Variants in LIMA1 observed in about 807,000 individuals in gnomAD.
LIMA1 encodes LIM domain and actin-binding protein 1.
In LIMA1, 52 loss-of-function variants were observed where a neutral mutation model predicts 62.6. That is an observed-to-expected ratio of 0.83 (90% CI 0.67 to 1.05). The LOEUF (loss-of-function observed/expected upper bound fraction) is 1.05, where lower values mean the gene tolerates loss of function less well. Ranked by LOEUF, LIMA1 falls within the 50% of genes least tolerant of loss-of-function variation. The pLI is 0.00. For synonymous variants in LIMA1, 302 were observed against 317.8 expected (o/e 0.95, Z 0.53); for missense variants, 780 against 902.2 (o/e 0.86, Z 1.74).
At chr12:50,261,998 C>G (rs889908364) in intron 1 of LIMA1, among the ~76,000 whole-genome samples, 3 of 152,058 alleles carry the variant, frequency 2.0e-5, no homozygotes, top group African/African-American at 4.8e-5. Flanking sequence ...GAAAAGAAAT[C>G]AAACAATAGA....
intron 10 of LIMA1, among the ~76,000 whole-genome samples, chr12:50,180,993 TC>T (rs1488615387): frequency 6.6e-6 from 1 of 151,076 alleles, no homozygotes; most frequent in Admixed American, 6.6e-5. Flanking sequence ...GCGCCTGTAG[TC>T]CCAGCTACTT....
At chr12:50,214,632 C>T (rs898847613) in intron 4 of LIMA1, among the ~76,000 whole-genome samples, 1 of 152,214 alleles carries the variant, frequency 6.6e-6, no homozygotes, top group Non-Finnish European at 1.5e-5. Context: ...CACGGTGAAA[C>T]CCAGTCTCTA....
chr12:50,212,565 C>T (rs527984131), intron 4 of LIMA1, among the ~76,000 whole-genome samples: 1 of 151,642 alleles, frequency 6.6e-6, no homozygotes, highest in African/African-American at 2.4e-5. Flanking sequence ...TATTCCCAAG[C>T]ATTCTACAAA....
rs369076429 is a variant in LIMA1 at position 50,205,974 on chromosome 12, C to T, written c.715+10G>A. ...TAAAGGACCTCATACACATGGAACTCTCTGCTTACCTGGGCCTATTTCCAG... is the reference window on the plus strand; with the variant it reads ...TAAAGGACCTCATACACATGGAACTTTCTGCTTACCTGGGCCTATTTCCAG... On this transcript the variant is annotated intron_variant, in intron 5 of 10. Transcript: ENST00000341247. 2.1e-5 allele frequency: 33 copies of T among 1,606,190 alleles called. No homozygotes were observed. In the South Asian group the frequency reaches 2.1e-4, roughly 10 times the overall value.
chr12:50,208,490 A>G (rs1941194450), intron 4 of LIMA1, among the ~76,000 whole-genome samples: 1 of 150,792 alleles, frequency 6.6e-6, no homozygotes, highest in African/African-American at 2.4e-5. Context: ...CGTCTCAAAA[A>G]AAACCAAAAG....
In LIMA1 at chr12:50,200,868, C is replaced by A; in HGVS notation, c.881G>T (p.Ser294Ile). ...TTTATGAATTTTGATTTCGCCACCACTGGCTTTCAGCTCATTCTACAAAAT... is the reference window on the plus strand; with the variant it reads ...TTTATGAATTTTGATTTCGCCACCAATGGCTTTCAGCTCATTCTACAAAAT... ...STNYTNELKA[S>I]GGEIKIHKME... The change falls in exon 7 of 11, where the codon AGT becomes ATT. Residue 294 changes from serine (S) to isoleucine (I), a missense_variant. Physicochemically the swap from Ser to Ile is moderately radical, Grantham distance 142 (BLOSUM62 -2). Transcript: ENST00000341247. 1 of 1,614,042 alleles carries A rather than the reference C, an allele frequency of 6.2e-7. No individual in the cohort carries two copies. Among genetic ancestry groups the A allele is most frequent in the Non-Finnish European group, 8.5e-7 (1 of 1,179,968 alleles).
Position 50,177,529 on chromosome 12 carries a change from T to C in LIMA1, c.1815A>G (p.Pro605=), listed in dbSNP as rs1444684249. ...TCCTGATAGGTGGGGACACAGTTTT[T>C]GGGCTCTTGACAGAGGTGCTTTGAA... ...ASFQSTSVKS[P]KTVSPPIRKG... Residue 605 remains proline (P), a synonymous_variant, in exon 11 of 11, where the codon CCA becomes CCG. Coordinates refer to ENST00000341247, the MANE Select transcript of LIMA1 (RefSeq NM_016357.5). The C allele has an allele frequency of 1.4e-5, 22 of 1,611,394 alleles. No individual in the cohort carries two copies. The highest frequency in any genetic ancestry group is 1.9e-5 in the Non-Finnish European group (22 of 1,178,864).
chr12:50,263,903 G>A (rs868073680), intron 1 of LIMA1, among the ~76,000 whole-genome samples: 2 of 137,074 alleles, frequency 1.5e-5, no homozygotes, highest in African/African-American at 2.8e-5. Context: ...TATAAAGTAT[G>A]TATATATATA....
intron 4 of LIMA1, among the ~76,000 whole-genome samples, chr12:50,215,378 A>G (rs1941325175): frequency 6.6e-6 from 1 of 152,194 alleles, no homozygotes. Flanking sequence ...AGAGGTCACA[A>G]ACAAGAGAAA....
intron 1 of LIMA1, among the ~76,000 whole-genome samples, chr12:50,255,132 C>T: frequency 6.6e-6 from 1 of 151,874 alleles, no homozygotes; most frequent in East Asian, 1.9e-4. Flanking sequence ...AAATCCTGTT[C>T]TTATATATCC....
chr12:50,228,219 T>C (rs1941561465), intron 3 of LIMA1, among the ~76,000 whole-genome samples: 2 of 152,148 alleles, frequency 1.3e-5, no homozygotes, highest in Non-Finnish European at 2.9e-5. Flanking sequence ...ACAGTCCCTT[T>C]GGAGGTAGAG....
At chr12:50,217,490 A>T (rs1482123571) in intron 4 of LIMA1, among the ~76,000 whole-genome samples, 4 of 151,388 alleles carry the variant, frequency 2.6e-5, no homozygotes, top group Non-Finnish European at 5.9e-5. Context: ...TTTGAAGTAA[A>T]ATCTTTTTTT....
chr12:50,260,573 C>T (rs1022993959), intron 1 of LIMA1, among the ~76,000 whole-genome samples: 2 of 152,172 alleles, frequency 1.3e-5, no homozygotes, highest in South Asian at 2.1e-4. Context: ...CATTTAATTA[C>T]AAATCATTTT....
At chr12:50,182,932 G>A (rs765096520) in intron 9 of LIMA1, among the ~76,000 whole-genome samples, 6 of 152,122 alleles carry the variant, frequency 3.9e-5, no homozygotes, top group African/African-American at 4.8e-5. Flanking sequence ...GGCCAGGTGC[G>A]GTGGCTCATG....
intron 1 of LIMA1, among the ~76,000 whole-genome samples, chr12:50,263,266 T>C (rs1267698326): frequency 6.6e-6 from 1 of 152,124 alleles, no homozygotes; most frequent in East Asian, 1.9e-4. Context: ...TACTGAGAGG[T>C]CAAAGTTAAA....
chr12:50,243,236 A>T (rs971033440), intron 2 of LIMA1, among the ~76,000 whole-genome samples: 1 of 152,248 alleles, frequency 6.6e-6, no homozygotes, highest in Non-Finnish European at 1.5e-5. Context: ...ATTAGAAAGT[A>T]AAGCTGACTT....
chr12:50,235,674 A>G (rs1941681981), intron 2 of LIMA1, among the ~76,000 whole-genome samples: 2 of 152,190 alleles, frequency 1.3e-5, no homozygotes, highest in African/African-American at 4.8e-5. Context: ...GTAGGGTAAA[A>G]GGGCTACCAA....
intron 7 of LIMA1, among the ~76,000 whole-genome samples, chr12:50,197,329 C>G (rs796380744): frequency 6.6e-6 from 1 of 151,890 alleles, no homozygotes; most frequent in South Asian, 2.1e-4. Context: ...CTTGGCCTCC[C>G]AAAGTGCTAG....
chr12:50,198,795 T>A (rs1940984200), intron 7 of LIMA1, among the ~76,000 whole-genome samples: 6 of 152,216 alleles, frequency 3.9e-5, no homozygotes, highest in Non-Finnish European at 8.8e-5. Context: ...CAATGGGCAA[T>A]GGTAGAGAAC....
Sources: allele counts gnomAD v4.1 joint callset (sites outside exome capture counted in the v4.1 genomes callset), GRCh38; gene constraint gnomAD v4.1.1; transcripts MANE v1.5; gene names NCBI Gene and HGNC (gene_info 2026-07-23, HGNC 2026-07-21).